FIP1L1: variants seen among roughly 807,000 people sequenced by gnomAD.
FIP1L1 encodes pre-mRNA 3'-end-processing factor FIP1.
Under a neutral mutation model 84.6 loss-of-function variants are expected in FIP1L1, and 21 were observed. The observed-to-expected ratio is 0.25, with a 90% CI of 0.18 to 0.36. FIP1L1 has a LOEUF of 0.36. Ranked by LOEUF, FIP1L1 falls within the 10% of genes least tolerant of loss-of-function variation. The pLI is 1.00. For missense variants in FIP1L1, 526 were observed against 751.1 expected (o/e 0.70, Z 3.50); for synonymous variants, 263 against 242.3 (o/e 1.09, Z -0.80).
Position 53,394,114 on chromosome 4 carries a change from T to C in FIP1L1, c.705+2616T>C, listed in dbSNP as rs1745982046. On this transcript the variant is annotated intron_variant, in intron 9 of 17. Transcript: ENST00000337488. ...TCCAAGAAAATTTTTCTTTATTATTTAGTTGTAGCATCTTATTATTCATGC... is the reference window on the plus strand; with the variant it reads ...TCCAAGAAAATTTTTCTTTATTATTCAGTTGTAGCATCTTATTATTCATGC... 5.3e-5 allele frequency among the ~76,000 whole-genome samples: 8 copies of C among 152,278 alleles called. No homozygotes were observed. The South Asian group carries it at 1.7e-3, about 32-fold the overall frequency.
chr4:53,458,947 AG>A (rs757586860), intron 17 of FIP1L1, among the ~76,000 whole-genome samples, 157 bp downstream of exon 17: 2 of 152,168 alleles, frequency 1.3e-5, no homozygotes, highest in Non-Finnish European at 2.9e-5. Flanking sequence ...TTTTTAAAAA[AG>A]CATTAAACAA....
chr4:53,425,290 A>C (rs1440167836), intron 11 of FIP1L1, among the ~76,000 whole-genome samples: 1 of 152,086 alleles, frequency 6.6e-6, no homozygotes, highest in Non-Finnish European at 1.5e-5. Context: ...TATCCTTATA[A>C]ACTTTAAAAA....
At chr4:53,438,694 A>G (rs1770577064) in intron 13 of FIP1L1, among the ~76,000 whole-genome samples, 1 of 152,208 alleles carries the variant, frequency 6.6e-6, no homozygotes, top group South Asian at 2.1e-4. Flanking sequence ...TAGTAAGATT[A>G]ACATTAAAGG....
chr4:53,400,373 C>CT (rs1322626255), intron 10 of FIP1L1, among the ~76,000 whole-genome samples: 4 of 152,088 alleles, frequency 2.6e-5, no homozygotes, highest in African/African-American at 9.7e-5. Context: ...TAGAAAATGT[C>CT]TTTTTTACTT....
intron 11 of FIP1L1, among the ~76,000 whole-genome samples, chr4:53,417,642 CAAAAAAA>C (rs57635694): frequency 5.0e-4 from 23 of 46,358 alleles, no homozygotes; most frequent in Admixed American, 3.8e-4. Flanking sequence ...AACTCCTTCT[CAAAAAAA>C]AAAAAAAAAA....
intron 15 of FIP1L1, among the ~76,000 whole-genome samples, chr4:53,451,534 A>G (rs750786591): frequency 7.9e-5 from 12 of 151,654 alleles, no homozygotes; most frequent in South Asian, 4.2e-4. Context: ...CTGATTTTCA[A>G]AAAATCCTGT....
chr4:53,417,396 C>T (rs890017906), intron 11 of FIP1L1, among the ~76,000 whole-genome samples: 1 of 151,998 alleles, frequency 6.6e-6, no homozygotes, highest in Non-Finnish European at 1.5e-5. Context: ...AATCCCAGCA[C>T]TTTGGGAGGC....
At chr4:53,418,978 G>T (rs761019301) in intron 11 of FIP1L1, among the ~76,000 whole-genome samples, 1 of 152,160 alleles carries the variant, frequency 6.6e-6, no homozygotes, top group Non-Finnish European at 1.5e-5. Context: ...TGTTGCTATA[G>T]TGTGTAGTTT....
At chr4:53,417,775 TC>T (rs1560537304) in intron 11 of FIP1L1, among the ~76,000 whole-genome samples, 2 of 32,696 alleles carry the variant, frequency 6.1e-5, no homozygotes, top group Non-Finnish European at 1.2e-4. Flanking sequence ...TCTCTCTCTC[TC>T]TCTCTCTCTC....
chr4:53,449,809 T>C (rs1457699880), intron 15 of FIP1L1, among the ~76,000 whole-genome samples: 1 of 152,164 alleles, frequency 6.6e-6, no homozygotes, highest in Admixed American at 6.5e-5. Context: ...TCTTTTTTGT[T>C]TTGAGTTTGG....
intron 13 of FIP1L1, among the ~76,000 whole-genome samples, chr4:53,435,268 C>T (rs1768613471): frequency 6.6e-6 from 1 of 152,068 alleles, no homozygotes. Context: ...TAAAAGCTTT[C>T]TTAGGATGTT....
At chr4:53,414,848 G>T in intron 11 of FIP1L1, 126 bp downstream of exon 11, 1 of 600,054 alleles carries the variant, frequency 1.7e-6, no homozygotes, top group Non-Finnish European at 2.9e-6. Context: ...GCTTTTTCAG[G>T]GTACAGTTGT....
At chr4:53,411,475 A>G (rs1319762922) in intron 10 of FIP1L1, among the ~76,000 whole-genome samples, 1 of 148,234 alleles carries the variant, frequency 6.7e-6, no homozygotes, top group Non-Finnish European at 1.5e-5. Context: ...TATTTCCCAT[A>G]AAAGTATTTT....
intron 14 of FIP1L1, among the ~76,000 whole-genome samples, chr4:53,443,411 A>G (rs1169416499): frequency 6.6e-6 from 1 of 152,180 alleles, no homozygotes; most frequent in African/African-American, 2.4e-5. Flanking sequence ...GATAGAAATC[A>G]CTAATAAGAG....
Position 53,410,378 on chromosome 4 carries a change from G to A in FIP1L1, c.816-4237G>A, listed in dbSNP as rs190202697. 2.3e-3 allele frequency among the ~76,000 whole-genome samples: 344 copies of A among 152,288 alleles called. 1 individual carries two copies. The highest frequency in any genetic ancestry group is 4.4e-3 in the Non-Finnish European group (299 of 68,024). On this transcript the variant is annotated intron_variant, in intron 10 of 17. Transcript: ENST00000337488. The stretch of plus-strand genomic sequence containing the variant: ...GTGTAGTTGTAAGAGGATCAACTTC[G>A]ATGATTGCTCTTAGTTGGTCATTGT...
At chr4:53,440,620 T>C in intron 13 of FIP1L1, 1 of 1,510,838 alleles carries the variant, frequency 6.6e-7, no homozygotes, top group Non-Finnish European at 9.1e-7. Flanking sequence ...TAAAACTTTT[T>C]TCATGTTTTC....
At chr4:53,385,870 TTAACCTC>T (rs1437441670) in intron 5 of FIP1L1, among the ~76,000 whole-genome samples, 1 of 152,132 alleles carries the variant, frequency 6.6e-6, no homozygotes, top group Non-Finnish European at 1.5e-5. Flanking sequence ...GTAAAGTTGT[TTAACCTC>T]TATATTTCAA....
chr4:53,381,808 A>G (rs1243259484), intron 3 of FIP1L1, among the ~76,000 whole-genome samples: 1 of 125,844 alleles, frequency 7.9e-6, no homozygotes, highest in East Asian at 2.6e-4. Flanking sequence ...CGCCCAGGCT[A>G]GAGTGCAGTG....
intron 5 of FIP1L1, among the ~76,000 whole-genome samples, chr4:53,387,240 A>G (rs1741585215): frequency 6.6e-6 from 1 of 152,204 alleles, no homozygotes; most frequent in African/African-American, 2.4e-5. Flanking sequence ...AGGTAGGAGG[A>G]TTGCTTGAGC....
Sources: allele counts gnomAD v4.1 joint callset (sites outside exome capture counted in the v4.1 genomes callset), GRCh38; gene constraint gnomAD v4.1.1; transcripts MANE v1.5; gene names NCBI Gene and HGNC (gene_info 2026-07-23, HGNC 2026-07-21).